Variants in CEP57 observed in about 807,000 individuals in gnomAD.
The protein encoded by CEP57 is centrosomal protein of 57 kDa.
A neutral mutation model predicts 68.0 loss-of-function variants in CEP57; 40 were observed. The ratio of observed to expected loss-of-function variants is 0.59; its 90% CI spans 0.46 to 0.77. The LOEUF (loss-of-function observed/expected upper bound fraction) is 0.77. Ranked by LOEUF, CEP57 falls within the 30% of genes least tolerant of loss-of-function variation. CEP57 has a pLI of 0.00. For missense variants in CEP57, 606 were observed against 580.7 expected, an observed-to-expected ratio of 1.04 and a Z score of -0.45; for synonymous variants, 219 against 198.7, an observed-to-expected ratio of 1.10 and a Z score of -0.86.
intron 2 of CEP57, among the ~76,000 whole-genome samples, chr11:95,811,831 TTC>T (rs1862077105): frequency 6.6e-6 from 1 of 152,236 alleles, no homozygotes; most frequent in Non-Finnish European, 1.5e-5. Flanking sequence ...GCTATGATTC[TTC>T]TTTGACCCAG....
At chr11:95,793,391 T>A (rs182230618) in intron 1 of CEP57, among the ~76,000 whole-genome samples, 12 of 79,992 alleles carry the variant, frequency 1.5e-4, no homozygotes, top group African/African-American at 6.6e-4. Flanking sequence ...AATGACCTAA[T>A]CTCTTGATTT....
In CEP57 at chr11:95,832,099, C is replaced by T. The variant is rs373932557; in HGVS notation, c.*843C>T. On this transcript the variant is annotated 3_prime_UTR_variant, in exon 11 of 11. Coordinates refer to ENST00000325542, the MANE Select transcript of CEP57 (RefSeq NM_014679.5). ...AGAACCCTTTGAATATTTGCTTTTA[C>T]TGGTGTACAGTATGAGTGGAATATA... 6.6e-6 allele frequency: 1 copy of T among 152,032 alleles called. No individual in the cohort carries two copies. Among genetic ancestry groups the T allele is most frequent in the African/African-American group, 2.4e-5 (1 of 41,396 alleles). 9.4% of individuals were successfully genotyped at this position (152,032 alleles called of 1,614,324 possible). A position where few individuals can be genotyped will look rare whatever the true frequency, so the allele number is the denominator to read the frequency against.
At chr11:95,825,967 TAA>T (rs1862727162) in intron 8 of CEP57, 1 of 152,116 alleles carries the variant, frequency 6.6e-6, no homozygotes. Context: ...TCACTGAAAC[TAA>T]AACAAATGGT....
intron 2 of CEP57, among the ~76,000 whole-genome samples, chr11:95,803,344 A>G (rs1326556506): frequency 1.3e-5 from 2 of 152,240 alleles, no homozygotes; most frequent in African/African-American, 2.4e-5. Flanking sequence ...AGAGAACACT[A>G]CTAATGAACT....
chr11:95,812,972 A>T lies in CEP57; in HGVS notation c.243A>T (p.Arg81=). The T allele has an allele frequency of 6.2e-7, 1 of 1,614,102 alleles. No individual in the cohort carries two copies. Among genetic ancestry groups the T allele is most frequent in the Non-Finnish European group, 8.5e-7 (1 of 1,180,008 alleles). Residue 81 remains arginine (R), a synonymous_variant, in exon 3 of 11, where the codon CGA becomes CGT. Transcript: ENST00000325542. ...TTAAGAATCTTCAAGATAAGATTCGACGCTTGGAACTTGAGAGGATTCAGG... is the reference window on the plus strand; with the variant it reads ...TTAAGAATCTTCAAGATAAGATTCGTCGCTTGGAACTTGAGAGGATTCAGG... ...SALKNLQDKI[R]RLELERIQAE...
At chr11:95,810,901 G>A (rs1346761328) in intron 2 of CEP57, among the ~76,000 whole-genome samples, 1 of 151,970 alleles carries the variant, frequency 6.6e-6, no homozygotes, top group Admixed American at 6.6e-5. Flanking sequence ...AGACAATCCT[G>A]AGCCATTAAA....
At chr11:95,809,968 C>T (rs1048496100) in intron 2 of CEP57, among the ~76,000 whole-genome samples, 1 of 152,042 alleles carries the variant, frequency 6.6e-6, no homozygotes, top group Non-Finnish European at 1.5e-5. Context: ...ACTGGCAAAC[C>T]GAATCCAGCA....
chr11:95,810,339 A>T (rs990564751), intron 2 of CEP57, among the ~76,000 whole-genome samples: 2 of 152,192 alleles, frequency 1.3e-5, no homozygotes, highest in African/African-American at 4.8e-5. Context: ...TAGTGTTGGA[A>T]CTTCTGGCCA....
At chr11:95,820,597 A>C (rs1194205994) in intron 6 of CEP57, among the ~76,000 whole-genome samples, 1 of 151,662 alleles carries the variant, frequency 6.6e-6, no homozygotes, top group Admixed American at 6.6e-5. Flanking sequence ...AAAAAAAAAA[A>C]CAGTGTTCTG....
intron 2 of CEP57, among the ~76,000 whole-genome samples, chr11:95,811,154 G>A (rs185401267): frequency 5.3e-5 from 8 of 152,176 alleles, no homozygotes; most frequent in East Asian, 1.9e-4. Context: ...ATTGCGGCAC[G>A]GTTCACAATA....
intron 5 of CEP57, chr11:95,818,133 C>T (rs574562287): frequency 1.4e-5 from 6 of 417,304 alleles, no homozygotes; most frequent in East Asian, 5.3e-5. Context: ...TGTTTTTGGC[C>T]GGGCGTGGTG....
At chr11:95,825,665 C>A (rs1291567408) in intron 8 of CEP57, 1 of 148,438 alleles carries the variant, frequency 6.7e-6, no homozygotes, top group Non-Finnish European at 1.5e-5. Context: ...GGCACGATCT[C>A]AGCTCACTGC....
chr11:95,807,869 T>C (rs2135295044), intron 2 of CEP57, among the ~76,000 whole-genome samples: 1 of 152,128 alleles, frequency 6.6e-6, no homozygotes, highest in South Asian at 2.1e-4. Flanking sequence ...ATACAGATAA[T>C]GCCACAAAGA....
At chr11:95,796,209 A>G (rs1204903360) in intron 1 of CEP57, among the ~76,000 whole-genome samples, 7 of 152,242 alleles carry the variant, frequency 4.6e-5, no homozygotes, top group Non-Finnish European at 1.0e-4. Context: ...GTGTCATAAA[A>G]AGATGTTCAA....
In CEP57 at chr11:95,790,735, C is replaced by T. The variant is rs770949915; in HGVS notation, c.37C>T (p.His13Tyr). The part of the protein sequence containing the change: ...AASVSAASGS[H>Y]LSNSFAEPSR... ...GTCTGTCTCTGCGGCTTCTGGTTCT[C>T]ACTTGTCGGTAAGAAGCAGTTGGCG... The change falls in exon 1 of 11, where the codon CAC becomes TAC. Residue 13 changes from histidine to tyrosine, a missense_variant. Physicochemically the swap from His to Tyr is moderately conservative, Grantham distance 83. Coordinates refer to ENST00000325542, the MANE Select transcript of CEP57 (RefSeq NM_014679.5). The T allele has an allele frequency of 1.1e-5, 17 of 1,614,094 alleles. No individual in the cohort carries two copies. The highest frequency in any genetic ancestry group is 1.0e-5 in the Non-Finnish European group (12 of 1,179,996).
intron 1 of CEP57, among the ~76,000 whole-genome samples, chr11:95,798,995 G>C (rs962078505): frequency 6.6e-6 from 1 of 152,136 alleles, no homozygotes; most frequent in African/African-American, 2.4e-5. Flanking sequence ...CACAGCATTT[G>C]TATTCAAGTT....
In CEP57 at chr11:95,832,348, T is replaced by G. The variant is rs980709925; in HGVS notation, c.*1092T>G. ...ATGAAGAGAAAAAACTAGTACTTAG[T>G]TGCCACACTCATGCTTACATAGAAA... is the stretch of plus-strand genomic sequence containing the variant. On this transcript the variant is annotated 3_prime_UTR_variant, in exon 11 of 11. Transcript: ENST00000325542. The G allele has an allele frequency of 6.6e-6, 1 of 152,162 alleles. No homozygotes were observed. Among genetic ancestry groups the G allele is most frequent in the Non-Finnish European group, 1.5e-5 (1 of 68,000 alleles). 9.4% of individuals were successfully genotyped at this position (152,162 alleles called of 1,614,324 possible).
chr11:95,793,362 C>A (rs1861185123), intron 1 of CEP57, among the ~76,000 whole-genome samples: 1 of 151,928 alleles, frequency 6.6e-6, no homozygotes. Context: ...GTAATATTTT[C>A]ACAATAACCT....
rs909287627 is a variant in CEP57, at chr11:95,790,520, T to C, written c.-179T>C. 9.2e-6 allele frequency: 6 copies of C among 654,246 alleles called. No individual in the cohort carries two copies. The Admixed American group carries it at 1.4e-4, about 15-fold the overall frequency. 40.5% of individuals were successfully genotyped at this position (654,246 alleles called of 1,614,324 possible). A position where few individuals can be genotyped will look rare whatever the true frequency, so the allele number is the denominator to read the frequency against. On this transcript the variant is annotated 5_prime_UTR_variant, in exon 1 of 11. Coordinates refer to ENST00000325542, the MANE Select transcript of CEP57 (RefSeq NM_014679.5). Reference sequence around the variant, plus strand: ...GCCCTTTCTGTGTAAGCTGTGAGCGTAGGCGGCCCTGAGGGGGTGTGTTGC... The same window carrying C: ...GCCCTTTCTGTGTAAGCTGTGAGCGCAGGCGGCCCTGAGGGGGTGTGTTGC...
Sources: allele counts gnomAD v4.1 joint callset (sites outside exome capture counted in the v4.1 genomes callset), GRCh38; gene constraint gnomAD v4.1.1; transcripts MANE v1.5; gene names NCBI Gene and HGNC (gene_info 2026-07-23, HGNC 2026-07-21).